CENPE: variants seen among roughly 807,000 people sequenced by gnomAD.
CENPE encodes the protein centromere-associated protein E.
Under a neutral mutation model 336.1 loss-of-function variants are expected in CENPE, and 145 were observed. That is an observed-to-expected ratio of 0.43 (90% CI 0.38 to 0.50). The LOEUF is 0.50. Ranked by LOEUF, CENPE falls within the 20% of genes least tolerant of loss-of-function variation. The probability of loss-of-function intolerance (pLI) is 0.00; values close to 1 mark genes in which losing one functional copy is unlikely to be tolerated. For missense variants in CENPE, 2,719 were observed against 3,023.3 expected, an observed-to-expected ratio of 0.90 and a Z score of 2.36; for synonymous variants, 1,013 against 984.8, an observed-to-expected ratio of 1.03 and a Z score of -0.54.
chr4:103,123,934 T>C (rs1750869742), intron 42 of CENPE, among the ~76,000 whole-genome samples: 1 of 152,240 alleles, frequency 6.6e-6, no homozygotes, highest in African/African-American at 2.4e-5. Flanking sequence ...AGGTAGGCAC[T>C]GTATCATCTC....
intron 41 of CENPE, among the ~76,000 whole-genome samples, chr4:103,133,468 T>C (rs1178176492): frequency 1.1e-4 from 16 of 152,204 alleles, no homozygotes; most frequent in African/African-American, 2.9e-4. Flanking sequence ...GTTGTTGTAA[T>C]AAAGCGGTTT....
At chr4:103,177,269 C>T (rs1358827217) in intron 13 of CENPE, among the ~76,000 whole-genome samples, 1 of 151,796 alleles carries the variant, frequency 6.6e-6, no homozygotes. Context: ...CTTTGTCCTC[C>T]TCATCATTTA....
chr4:103,119,319 G>A (rs527991654), intron 44 of CENPE, among the ~76,000 whole-genome samples: 10 of 152,190 alleles, frequency 6.6e-5, no homozygotes, highest in Admixed American at 1.3e-4. Flanking sequence ...CATAGCTGGT[G>A]CTCAGCAAAT....
chr4:103,189,705 C>G (rs549658922), intron 8 of CENPE, among the ~76,000 whole-genome samples: 19 of 152,184 alleles, frequency 1.2e-4, no homozygotes, highest in Non-Finnish European at 1.5e-4. Context: ...GGCAAAAACT[C>G]GAAGCATTCC....
chr4:103,108,974 T>A lies in CENPE; in HGVS notation c.7840A>T (p.Thr2614Ser). The A allele has an allele frequency of 1.9e-6, 3 of 1,613,898 alleles. No homozygotes were observed. Among genetic ancestry groups the A allele is most frequent in the Non-Finnish European group, 2.5e-6 (3 of 1,179,840 alleles). ...GTAATTTGTTTCTTTTTAGAAGCTG[T>A]TCCAGTCACTTTAGGAGACTTTGGA... ...NSPKSPKVTGTASKKKQITPS... is the reference protein window; with the variant it reads ...NSPKSPKVTGSASKKKQITPS... Residue 2614 changes from threonine to serine, a missense_variant, in exon 48 of 49, where the codon ACA becomes TCA. Physicochemically the swap from Thr to Ser is moderately conservative, Grantham distance 58. Around this residue, in one of 5 missense-constraint regions of CENPE, gnomAD observed 2,437 missense variants for 2,513.3 expected, o/e 0.97. Transcript: ENST00000265148.
Position 103,159,129 on chromosome 4 carries a change from C to A in CENPE, c.2482G>T (p.Asp828Tyr). 6.2e-7 allele frequency: 1 copy of A among 1,607,798 alleles called. No individual in the cohort carries two copies. The highest frequency in any genetic ancestry group is 8.5e-7 in the Non-Finnish European group (1 of 1,177,780). ...ACCATCTTATACTTTTGCTCAAAGT[C>A]CATATGAAGGGTTTTGAAATTTTGG... ...EFQNFKTLHM[D>Y]FEQKYKMVLE... Residue 828 changes from aspartate (D) to tyrosine (Y), a missense_variant, in exon 22 of 49, where the codon GAC becomes TAC. By Grantham distance (160) the Asp-to-Tyr change is radical (BLOSUM62 -3). This residue lies in a region of CENPE where 2,437 missense variants were observed against 2,513.3 expected (regional missense o/e 0.97). Transcript: ENST00000265148.
At chr4:103,166,859 C>A (rs897647682) in intron 16 of CENPE, among the ~76,000 whole-genome samples, 11 of 152,234 alleles carry the variant, frequency 7.2e-5, no homozygotes, top group Admixed American at 3.3e-4. Context: ...AAAATAATTT[C>A]ACAGCATCTG....
chr4:103,186,248 T>C (rs1230374735), intron 8 of CENPE, among the ~76,000 whole-genome samples: 2 of 152,208 alleles, frequency 1.3e-5, no homozygotes, highest in African/African-American at 4.8e-5. Flanking sequence ...AAGCACCAGC[T>C]TTTTGCTATT....
intron 8 of CENPE, among the ~76,000 whole-genome samples, chr4:103,192,996 CTG>C (rs1353759473): frequency 6.6e-6 from 1 of 150,702 alleles, no homozygotes; most frequent in East Asian, 2.0e-4. Context: ...CTAAGAGAAA[CTG>C]GATATTATCA....
chr4:103,121,549 C>CTTTTTTTT (rs11454081), intron 43 of CENPE, among the ~76,000 whole-genome samples: 4 of 135,918 alleles, frequency 2.9e-5, no homozygotes, highest in Non-Finnish European at 3.2e-5. Flanking sequence ...TTCTTTCTTT[C>CTTTTTTTT]TTTTTTTTTT....
Position 103,110,999 on chromosome 4 carries a change from T to C in CENPE, c.7553A>G (p.His2518Arg), listed in dbSNP as rs1161934543. ...QAQDTSVISE[H>R]TDPQPSNKPL... ...TTTATTTGAAGGCTGAGGATCAGTA[T>C]GTTCTGATATCACTGTGGGAGGAAA... is the stretch of plus-strand genomic sequence containing the variant. The change falls in exon 47 of 49, where the codon CAT (histidine) becomes CGT (arginine). Residue 2518 changes from histidine to arginine, a missense_variant. Physicochemically the swap from His to Arg is conservative, Grantham distance 29 (BLOSUM62 0). This residue lies in a region of CENPE where 2,437 missense variants were observed against 2,513.3 expected (regional missense o/e 0.97). Transcript: ENST00000265148. 3.2e-6 allele frequency: 5 copies of C among 1,581,732 alleles called. No individual in the cohort carries two copies. In the East Asian group the frequency reaches 9.0e-5, roughly 29 times the overall value.
Position 103,132,877 on chromosome 4 carries a change from G to C in CENPE, c.6740C>G (p.Ser2247Ter). Reference protein sequence around the residue: ...LHIEEILKDFSESEFPSIKTE... With the variant: ...LHIEEILKDF The stretch of plus-strand genomic sequence containing the variant: ...CTTTATGCTAGGGAACTCACTTTCT[G>C]AGAAATCTTTGAGAATTTCCTGTGT... The change falls in exon 42 of 49, where the codon TCA (serine) becomes TGA (stop). Residue 2247 changes from serine (S) to a stop codon, truncating the protein, a stop_gained. Transcript: ENST00000265148. LOFTEE classifies it high-confidence loss of function. The C allele has an allele frequency of 6.9e-7, 1 of 1,452,494 alleles. No individual in the cohort carries two copies. Among genetic ancestry groups the C allele is most frequent in the Non-Finnish European group, 9.1e-7 (1 of 1,096,102 alleles). 90.0% of individuals were successfully genotyped at this position (1,452,494 alleles called of 1,614,324 possible).
At chr4:103,178,526 C>G (rs986866067) in intron 13 of CENPE, among the ~76,000 whole-genome samples, 7 of 152,180 alleles carry the variant, frequency 4.6e-5, no homozygotes, top group African/African-American at 1.7e-4. Context: ...AGGTATTTCT[C>G]CTATGTTAGT....
chr4:103,164,955 G>A (rs968753584), intron 16 of CENPE, among the ~76,000 whole-genome samples: 2 of 152,120 alleles, frequency 1.3e-5, no homozygotes, highest in African/African-American at 4.8e-5. Context: ...GAGATCGGGT[G>A]CATTCAGGGT....
intron 42 of CENPE, among the ~76,000 whole-genome samples, chr4:103,131,879 T>A (rs1482173324): frequency 6.6e-6 from 1 of 152,174 alleles, no homozygotes; most frequent in Non-Finnish European, 1.5e-5. Flanking sequence ...TTCCAACATA[T>A]GACATTCTGG....
At chr4:103,176,075 T>C (rs763304528) in intron 14 of CENPE, 27 bp from the exon 15 acceptor site, 3 of 1,394,162 alleles carry the variant, frequency 2.2e-6, no homozygotes, top group African/African-American at 1.5e-5. Context: ...AAAAAATTTG[T>C]CCATGAACAT....
chr4:103,174,550 C>T (rs866670508), intron 16 of CENPE, among the ~76,000 whole-genome samples, 186 bp downstream of exon 16: 1 of 151,870 alleles, frequency 6.6e-6, no homozygotes, highest in Non-Finnish European at 1.5e-5. Flanking sequence ...CATTTGTTAG[C>T]TAGATTTAAC....
At chr4:103,185,192 C>T (rs1388182202) in intron 9 of CENPE, among the ~76,000 whole-genome samples, 1 of 151,594 alleles carries the variant, frequency 6.6e-6, no homozygotes, top group Non-Finnish European at 1.5e-5. Context: ...GTAATCCCAG[C>T]TACTTGGGAG....
At chr4:103,161,799 G>C (rs538450715) in intron 18 of CENPE, among the ~76,000 whole-genome samples, 84 of 151,940 alleles carry the variant, frequency 5.5e-4, no homozygotes, top group African/African-American at 2.0e-3. Context: ...CACATGATAG[G>C]TAAGTGGCTA....
Sources: gnomAD v4.1 joint callset for allele counts (sites outside exome capture counted in the v4.1 genomes callset) on GRCh38, gnomAD v4.1.1 for gene constraint, gnomAD v4.1.1 regional missense constraint, MANE v1.5 for transcripts, NCBI Gene and HGNC (gene_info 2026-07-23, HGNC 2026-07-21) for gene names.